Variants in NUP98 observed in about 807,000 individuals in gnomAD.
NUP98 encodes nuclear pore complex protein Nup98-Nup96.
NUP98 carries 26 observed loss-of-function variants against 191.9 expected under a neutral mutation model. The ratio of observed to expected loss-of-function variants is 0.14; its 90% CI spans 0.10 to 0.19. The LOEUF (loss-of-function observed/expected upper bound fraction) is 0.19. Ranked by LOEUF, NUP98 falls within the 10% of genes least tolerant of loss-of-function variation. The probability of loss-of-function intolerance (pLI) is 1.00; values close to 1 mark genes in which losing one functional copy is unlikely to be tolerated. For synonymous variants in NUP98, 808 were observed against 778.4 expected (o/e 1.04, Z -0.63); for missense variants, 1,941 against 2,178.8 (o/e 0.89, Z 2.17).
At position 3,790,576 on chromosome 11, in the gene NUP98, T is replaced by C. The variant is rs371848024; in HGVS notation, c.-29+6824A>G. On this transcript the variant is annotated intron_variant, in intron 1 of 32. Coordinates refer to ENST00000324932, the MANE Select transcript of NUP98 (RefSeq NM_016320.5). The stretch of plus-strand genomic sequence containing the variant: ...CCTCTGTGCTGATGTGCAAAATCAA[T>C]GGTGTGCAAAAATGCTGGGAACTCA... Among the ~76,000 whole-genome samples, 10 of 152,170 alleles carry C rather than the reference T, an allele frequency of 6.6e-5. No homozygotes were observed. The East Asian group carries it at 1.3e-3, about 21-fold the overall frequency.
chr11:3,702,313 A>ACTCTCTCTCT (rs71041375), intron 23 of NUP98, 150 bp downstream of exon 23: 48 of 349,224 alleles, frequency 1.4e-4, no homozygotes, highest in Middle Eastern at 8.2e-4. Flanking sequence ...ACACACACAC[A>ACTCTCTCTCT]CTCTCTCTCT....
chr11:3,795,143 C>G (rs2082485327), intron 1 of NUP98, among the ~76,000 whole-genome samples: 1 of 152,126 alleles, frequency 6.6e-6, no homozygotes, highest in African/African-American at 2.4e-5. Flanking sequence ...ACCTAGTAGA[C>G]ATAAAGTCAG....
chr11:3,790,267 A>G (rs1180662086), intron 1 of NUP98, among the ~76,000 whole-genome samples: 2 of 152,160 alleles, frequency 1.3e-5, no homozygotes, highest in African/African-American at 4.8e-5. Flanking sequence ...TGATTTTCAA[A>G]TATTTTTTAG....
intron 9 of NUP98, among the ~76,000 whole-genome samples, chr11:3,761,397 C>A (rs934764155): frequency 6.6e-6 from 1 of 152,098 alleles, no homozygotes; most frequent in Admixed American, 6.6e-5. Flanking sequence ...AAGGCCAAGG[C>A]GGAAGGATCC....
chr11:3,713,153 CA>C (rs758990295), intron 19 of NUP98, among the ~76,000 whole-genome samples: 4 of 152,108 alleles, frequency 2.6e-5, no homozygotes, highest in Non-Finnish European at 5.9e-5. Flanking sequence ...TCTTCATCTC[CA>C]AAAATCTTTA....
chr11:3,711,773 A>C, intron 20 of NUP98: 5 of 824,384 alleles, frequency 6.1e-6, no homozygotes, highest in South Asian at 5.8e-5. Context: ...AGTTTCCCAC[A>C]TTTATCATAC....
chr11:3,686,277 G>T, intron 28 of NUP98, 83 bp from the exon 29 acceptor site: 1 of 1,191,108 alleles, frequency 8.4e-7, no homozygotes, highest in Non-Finnish European at 1.2e-6. Flanking sequence ...TTATGTCTAA[G>T]ACAATAAAAG....
chr11:3,724,466 G>C (rs570950320), intron 15 of NUP98, among the ~76,000 whole-genome samples: 1 of 149,410 alleles, frequency 6.7e-6, no homozygotes, highest in South Asian at 2.1e-4. Flanking sequence ...ATAAATTTCT[G>C]ATATGAAAGA....
intron 12 of NUP98, among the ~76,000 whole-genome samples, chr11:3,743,529 C>A (rs796833250): frequency 1.3e-5 from 2 of 149,214 alleles, no homozygotes; most frequent in African/African-American, 2.5e-5. Flanking sequence ...CACCTGTAGT[C>A]CCAGCTACTC....
intron 8 of NUP98, among the ~76,000 whole-genome samples, chr11:3,768,011 T>C (rs2081396165): frequency 6.6e-6 from 1 of 152,118 alleles, no homozygotes; most frequent in African/African-American, 2.4e-5. Flanking sequence ...GCCCACTAAG[T>C]AGTTCCTACT....
At chr11:3,711,198 C>T (rs889909474) in intron 20 of NUP98, among the ~76,000 whole-genome samples, 3 of 151,844 alleles carry the variant, frequency 2.0e-5, no homozygotes, top group African/African-American at 7.3e-5. Context: ...AGAGCCGAGA[C>T]TGCACCAGTG....
At position 3,675,162 on chromosome 11, in the gene NUP98, T is replaced by C. The variant is rs1364963704; in HGVS notation, c.*997A>G. 3.4e-5 allele frequency: 7 copies of C among 204,834 alleles called. No individual in the cohort carries two copies. Among genetic ancestry groups the C allele is most frequent in the Non-Finnish European group, 7.0e-5 (7 of 99,800 alleles). 12.7% of individuals were successfully genotyped at this position (204,834 alleles called of 1,614,324 possible). A position where few individuals can be genotyped will look rare whatever the true frequency, so the allele number is the denominator to read the frequency against. ...GCATAAAGACCCAGGTGTGGCCATATTGCCTGAGATAGCCCTAACACCAGC... is the reference window on the plus strand; with the variant it reads ...GCATAAAGACCCAGGTGTGGCCATACTGCCTGAGATAGCCCTAACACCAGC... On this transcript the variant is annotated 3_prime_UTR_variant, in exon 33 of 33. Transcript: ENST00000324932.
chr11:3,736,736 T>C (rs1415333164), intron 12 of NUP98, among the ~76,000 whole-genome samples: 1 of 152,248 alleles, frequency 6.6e-6, no homozygotes, highest in Non-Finnish European at 1.5e-5. Context: ...TATCTTTAAG[T>C]AAAATTTCCA....
chr11:3,715,550 T>C (rs2079153354), intron 18 of NUP98, among the ~76,000 whole-genome samples: 1 of 152,188 alleles, frequency 6.6e-6, no homozygotes, highest in Non-Finnish European at 1.5e-5. Context: ...TGGTCATTTG[T>C]ATATCTTTGG....
chr11:3,767,621 C>G (rs1342372187), intron 8 of NUP98, among the ~76,000 whole-genome samples: 5 of 152,020 alleles, frequency 3.3e-5, no homozygotes, highest in African/African-American at 4.8e-5. Context: ...GTGCCCAGCC[C>G]ATACTTGTTT....
rs1238153729 is a variant in NUP98, at chr11:3,675,256, T to G, written c.*903A>C. On this transcript the variant is annotated 3_prime_UTR_variant, in exon 33 of 33. Coordinates refer to ENST00000324932, the MANE Select transcript of NUP98 (RefSeq NM_016320.5). ...GTAGCAAAGGCCCTCTGCCTGCCCCTAACGCCCAACTCCATGCCTGCCTCA... is the reference window on the plus strand; with the variant it reads ...GTAGCAAAGGCCCTCTGCCTGCCCCGAACGCCCAACTCCATGCCTGCCTCA... 1 of 219,370 alleles carries G rather than the reference T, an allele frequency of 4.6e-6. No homozygotes were observed. The highest frequency in any genetic ancestry group is 2.2e-5 in the African/African-American group (1 of 44,504). The allele number at this position is 219,370 out of a possible 1,614,324, so 13.6% of individuals were successfully genotyped here.
At chr11:3,775,552 CA>C (rs201254413) in intron 5 of NUP98, among the ~76,000 whole-genome samples, 3,381 of 138,064 alleles carry the variant, frequency 0.024, 127 homozygotes, top group African/African-American at 0.081. Flanking sequence ...AACAAAATAA[CA>C]AAAAAAAAAA....
rs1261940552 is a variant in NUP98, at chr11:3,683,344, G to T, written c.4774C>A (p.Leu1592Ile). The change falls in exon 30 of 33, where the codon CTC becomes ATC. Residue 1592 changes from leucine to isoleucine, a missense_variant. Coordinates refer to ENST00000324932, the MANE Select transcript of NUP98 (RefSeq NM_016320.5). ...TGGATCCATTTGGCAGGTACACGGAGCTTCTGGGTAAGGAAAGTCTCTTTA... is the reference window on the plus strand; with the variant it reads ...TGGATCCATTTGGCAGGTACACGGATCTTCTGGGTAAGGAAAGTCTCTTTA... ...WAKETFLTQK[L>I]RVPAKWIHEA... 2 of 1,614,192 alleles carry T rather than the reference G, an allele frequency of 1.2e-6. No individual in the cohort carries two copies. The highest frequency in any genetic ancestry group is 2.2e-5 in the South Asian group (2 of 91,088).
At chr11:3,740,372 G>A (rs916682533) in intron 12 of NUP98, among the ~76,000 whole-genome samples, 2 of 151,964 alleles carry the variant, frequency 1.3e-5, no homozygotes, top group African/African-American at 4.8e-5. Flanking sequence ...TTAGCCGGGC[G>A]TGGTGACATG....
Sources: allele counts gnomAD v4.1 joint callset (sites outside exome capture counted in the v4.1 genomes callset), GRCh38; gene constraint gnomAD v4.1.1; transcripts MANE v1.5; gene names NCBI Gene and HGNC (gene_info 2026-07-23, HGNC 2026-07-21).